The following PRIM1 variants were observed in gnomAD, a reference collection of about 807,000 sequenced individuals.
PRIM1 encodes DNA primase small subunit.
Under a neutral mutation model 60.2 loss-of-function variants are expected in PRIM1, and 38 were observed. That is an observed-to-expected ratio of 0.63 (90% CI 0.49 to 0.83). PRIM1 has a LOEUF of 0.83. PRIM1 is among the 40% of genes least tolerant of loss of function. The probability of loss-of-function intolerance (pLI) is 0.00; values close to 1 mark genes in which losing one functional copy is unlikely to be tolerated. For synonymous variants in PRIM1, 158 were observed against 160.2 expected (o/e 0.99, Z 0.10); for missense variants, 388 against 506.2 (o/e 0.77, Z 2.24).
chr12:56,746,472 A>G, intron 4 of PRIM1: 6 of 570,146 alleles, frequency 1.1e-5, no homozygotes, highest in South Asian at 8.7e-5. Context: ...CTCTACTAAA[A>G]ATACAAAAAT....
intron 2 of PRIM1, among the ~76,000 whole-genome samples, chr12:56,749,885 T>A (rs1953934110): frequency 6.6e-6 from 1 of 152,216 alleles, no homozygotes; most frequent in Non-Finnish European, 1.5e-5. Context: ...TTTGGTTTGT[T>A]CATTCACTCA....
At chr12:56,736,970 G>A (rs1023383922) in intron 11 of PRIM1, among the ~76,000 whole-genome samples, 1 of 151,442 alleles carries the variant, frequency 6.6e-6, no homozygotes, top group African/African-American at 2.4e-5. Context: ...TTTTTTTGGA[G>A]AGACAGGGTC....
At chr12:56,750,038 G>A (rs1326892391) in intron 2 of PRIM1, among the ~76,000 whole-genome samples, 4 of 152,184 alleles carry the variant, frequency 2.6e-5, no homozygotes, top group Non-Finnish European at 4.4e-5. Flanking sequence ...TGAAGGAGGT[G>A]AGGGGATGAA....
intron 1 of PRIM1, chr12:56,751,421 C>A: frequency 3.0e-6 from 1 of 331,024 alleles, no homozygotes; most frequent in Non-Finnish European, 5.5e-6. Context: ...GTAGCTGGGA[C>A]TACAGGCATG....
At chr12:56,744,386 G>A (rs1303155103) in intron 5 of PRIM1, among the ~76,000 whole-genome samples, 1 of 151,884 alleles carries the variant, frequency 6.6e-6, no homozygotes, top group Non-Finnish European at 1.5e-5. Context: ...CTAGCTACTC[G>A]GGAGGCTGAG....
At chr12:56,750,200 G>C (rs1953936429) in intron 2 of PRIM1, among the ~76,000 whole-genome samples, 1 of 152,216 alleles carries the variant, frequency 6.6e-6, no homozygotes, top group African/African-American at 2.4e-5. Flanking sequence ...ATTCTGAGTT[G>C]TTTTAAAAGG....
intron 2 of PRIM1, among the ~76,000 whole-genome samples, chr12:56,748,969 A>C (rs941910121): frequency 3.4e-5 from 5 of 148,782 alleles, no homozygotes; most frequent in African/African-American, 1.2e-4. Flanking sequence ...AAAGAAAGAA[A>C]GAAAGTAGTT....
At chr12:56,748,792 C>CTTTT (rs1484980749) in intron 2 of PRIM1, among the ~76,000 whole-genome samples, 35 of 151,962 alleles carry the variant, frequency 2.3e-4, no homozygotes, top group Admixed American at 2.1e-3. Context: ...CCCGTCTCTA[C>CTTTT]TAAAAAACAC....
chr12:56,752,161 A>G lies in PRIM1; in HGVS notation c.103+35T>C, dbSNP rs772114833. On this transcript the variant is annotated intron_variant, in intron 1 of 12. Transcript: ENST00000338193. Reference sequence around the variant, plus strand: ...GACACCCCGCCTCCAACCTCCTCACACTCCGCTCCCGAACCCATTCCTCGC... The same window carrying G: ...GACACCCCGCCTCCAACCTCCTCACGCTCCGCTCCCGAACCCATTCCTCGC... 24 of 1,471,600 alleles carry G rather than the reference A, an allele frequency of 1.6e-5. No individual in the cohort carries two copies. In the South Asian group the frequency reaches 2.8e-4, roughly 17 times the overall value. The allele number at this position is 1,471,600 out of a possible 1,614,324, so 91.2% of individuals were successfully genotyped here.
At chr12:56,739,999 T>C (rs1953859636) in intron 9 of PRIM1, among the ~76,000 whole-genome samples, 1 of 151,912 alleles carries the variant, frequency 6.6e-6, no homozygotes, top group African/African-American at 2.4e-5. Flanking sequence ...TAGCTGGGTG[T>C]GGTGGCGGGT....
At chr12:56,734,001 GA>G (rs1953804099) in intron 12 of PRIM1, 145 bp downstream of exon 12, 1 of 573,694 alleles carries the variant, frequency 1.7e-6, no homozygotes, top group African/African-American at 1.9e-5. Flanking sequence ...TTGAATTAAG[GA>G]ACCTCAATTT....
intron 11 of PRIM1, among the ~76,000 whole-genome samples, chr12:56,736,278 A>T (rs1214091141): frequency 3.0e-5 from 4 of 132,858 alleles, no homozygotes; most frequent in African/African-American, 1.1e-4. Flanking sequence ...AGCCTGGGTG[A>T]CAGAGTAAGA....
In PRIM1 at chr12:56,739,347, A is replaced by G; in HGVS notation, c.999T>C (p.Pro333=). Residue 333 remains proline (P), a synonymous_variant, in exon 10 of 13, where the codon CCT becomes CCC. Transcript: ENST00000338193. ...ACTGGTCCACTTTCTGCAAATCAAT[A>G]GGCACAGATATGCGACCTGTAAGAC... ...VHPKTGRISV[P]IDLQKVDQFD... The G allele has an allele frequency of 1.9e-6, 3 of 1,580,280 alleles. No homozygotes were observed. Among genetic ancestry groups the G allele is most frequent in the South Asian group, 1.2e-5 (1 of 86,458 alleles).
chr12:56,750,872 CAGAACGTCAA>C lies in PRIM1; in HGVS notation c.261+156_261+165del, dbSNP rs567354697. On this transcript the variant is annotated intron_variant, in intron 2 of 12. Coordinates refer to ENST00000338193, the MANE Select transcript of PRIM1 (RefSeq NM_000946.3). ...CTCCCAAATGATTTCATCAGTAATG[CAGAACGTCAA>C]AGAACAAAAAAGGATTAATCACTTG... Among the ~76,000 whole-genome samples the C allele has an allele frequency of 8.5e-5, 13 of 152,178 alleles. No homozygotes were observed. In the South Asian group the frequency reaches 2.7e-3, roughly 32 times the overall value.
intron 10 of PRIM1, 93 bp from the exon 11 acceptor site, chr12:56,738,618 C>CT: frequency 7.6e-7 from 1 of 1,311,000 alleles, no homozygotes; most frequent in East Asian, 2.7e-5. Flanking sequence ...GTGGTGCGAT[C>CT]TTGGCTCACT....
intron 9 of PRIM1, among the ~76,000 whole-genome samples, chr12:56,739,941 A>C (rs1953859382): frequency 6.6e-6 from 1 of 152,250 alleles, no homozygotes; most frequent in East Asian, 1.9e-4. Flanking sequence ...GTTCAAGACC[A>C]GCCTGGCCAA....
chr12:56,738,162 T>C (rs1430121446), intron 11 of PRIM1, among the ~76,000 whole-genome samples: 1 of 152,248 alleles, frequency 6.6e-6, no homozygotes, highest in Non-Finnish European at 1.5e-5. Flanking sequence ...AGGTGGTGAA[T>C]CTCAGAGACT....
chr12:56,749,781 A>G (rs1953933485), intron 2 of PRIM1, among the ~76,000 whole-genome samples: 1 of 152,238 alleles, frequency 6.6e-6, no homozygotes, highest in African/African-American at 2.4e-5. Flanking sequence ...AACAAGTTAT[A>G]TAACATGAAA....
At chr12:56,743,260 A>C (rs1335023856) in intron 6 of PRIM1, among the ~76,000 whole-genome samples, 164 bp from the exon 7 acceptor site, 3 of 152,216 alleles carry the variant, frequency 2.0e-5, no homozygotes, top group East Asian at 3.8e-4. Context: ...TATGATAATT[A>C]AATGAGACAC....
Sources: allele counts gnomAD v4.1 joint callset (sites outside exome capture counted in the v4.1 genomes callset), GRCh38; gene constraint gnomAD v4.1.1; transcripts MANE v1.5; gene names NCBI Gene and HGNC (gene_info 2026-07-23, HGNC 2026-07-21).